The following DENND2C variants were observed in gnomAD, a reference collection of about 807,000 sequenced individuals.
DENND2C encodes the protein DENN domain-containing protein 2C.
Under a neutral mutation model 112.4 loss-of-function variants are expected in DENND2C, and 72 were observed. That is an observed-to-expected ratio of 0.64 (90% CI 0.53 to 0.78). DENND2C has a LOEUF of 0.78. Ranked by LOEUF, DENND2C falls within the 30% of genes least tolerant of loss-of-function variation. The pLI is 0.00. For synonymous variants in DENND2C, 329 were observed against 381.6 expected (o/e 0.86, Z 1.61); for missense variants, 992 against 1,113.8 (o/e 0.89, Z 1.56).
chr1:114,589,199 C>T (rs1655119987), intron 18 of DENND2C, among the ~76,000 whole-genome samples: 1 of 152,162 alleles, frequency 6.6e-6, no homozygotes, highest in African/African-American at 2.4e-5. Flanking sequence ...TCTTTTTCTT[C>T]CATATCCAAA....
intron 1 of DENND2C, among the ~76,000 whole-genome samples, chr1:114,668,725 G>A (rs1003730679): frequency 9.9e-5 from 15 of 151,884 alleles, no homozygotes; most frequent in African/African-American, 3.6e-4. Context: ...CATATCCATA[G>A]TAAAGAACAA....
chr1:114,631,397 A>G (rs1263410414), intron 3 of DENND2C, among the ~76,000 whole-genome samples: 1 of 152,142 alleles, frequency 6.6e-6, no homozygotes, highest in Non-Finnish European at 1.5e-5. Context: ...ATAAAATGAA[A>G]TAAAATAAAA....
intron 18 of DENND2C, among the ~76,000 whole-genome samples, chr1:114,592,121 G>A (rs1655210587): frequency 6.6e-6 from 1 of 152,006 alleles, no homozygotes; most frequent in South Asian, 2.1e-4. Flanking sequence ...CTGACCTCAA[G>A]TGATCTGCCC....
intron 8 of DENND2C, among the ~76,000 whole-genome samples, chr1:114,614,544 G>A (rs1426312689): frequency 6.6e-6 from 1 of 151,936 alleles, no homozygotes; most frequent in Non-Finnish European, 1.5e-5. Flanking sequence ...CTTTACTTTT[G>A]TTTTGGACAG....
intron 13 of DENND2C, 128 bp downstream of exon 13, chr1:114,601,380 C>T (rs913593588): frequency 8.1e-6 from 7 of 863,398 alleles, no homozygotes; most frequent in South Asian, 1.9e-5. Context: ...TAAGTTTAAG[C>T]CTTCAGGCAC....
At chr1:114,634,304 C>T (rs1656586453) in intron 3 of DENND2C, among the ~76,000 whole-genome samples, 1 of 152,088 alleles carries the variant, frequency 6.6e-6, no homozygotes, top group Admixed American at 6.6e-5. Flanking sequence ...ACACTTTACT[C>T]AACAAACATA....
intron 19 of DENND2C, 51 bp downstream of exon 19, chr1:114,587,665 C>A: frequency 6.6e-7 from 1 of 1,506,684 alleles, no homozygotes; most frequent in Non-Finnish European, 9.0e-7. Flanking sequence ...ATAGTAAAAT[C>A]TTTCAAGGTA....
chr1:114,597,714 C>T (rs561488879), intron 16 of DENND2C, among the ~76,000 whole-genome samples: 19 of 152,096 alleles, frequency 1.2e-4, no homozygotes, highest in Non-Finnish European at 2.5e-4. Context: ...ACCTGGGAGG[C>T]AGAAGTTGCA....
intron 2 of DENND2C, among the ~76,000 whole-genome samples, chr1:114,650,659 G>GTGAGACT (rs1386066775): frequency 7.8e-6 from 1 of 127,686 alleles, no homozygotes; most frequent in Admixed American, 9.1e-5. Flanking sequence ...GGGCGACAGA[G>GTGAGACT]CGAGACTCCG....
At chr1:114,595,661 AT>A in intron 17 of DENND2C, 170 bp downstream of exon 17, 1 of 568,898 alleles carries the variant, frequency 1.8e-6, no homozygotes, top group Non-Finnish European at 3.1e-6. Flanking sequence ...CTGAAGCCAA[AT>A]TTTTCAGGTC....
intron 3 of DENND2C, among the ~76,000 whole-genome samples, chr1:114,635,833 C>T (rs530663197): frequency 8.6e-5 from 13 of 151,934 alleles, no homozygotes; most frequent in East Asian, 7.8e-4. Flanking sequence ...ATGGTGAAAC[C>T]GGTCTCTACT....
rs1656328321 is a variant in DENND2C, at chr1:114,625,906, G to A, written c.79C>T (p.Gln27Ter). Reference protein sequence around the residue: ...HCKNIKQKISQWEGRANGISN... With the variant: ...HCKNIKQKIS ...ATACCATTAGCCCTTCCTTCCCATTGAGAAATTTTTTGTTTGATGTTTTTG... is the reference window on the plus strand; with the variant it reads ...ATACCATTAGCCCTTCCTTCCCATTAAGAAATTTTTTGTTTGATGTTTTTG... The change falls in exon 4 of 21, where the codon CAA (glutamine) becomes TAA (stop). Residue 27 changes from glutamine (Q) to a stop codon, truncating the protein, a stop_gained. Coordinates refer to ENST00000393274, the MANE Select transcript of DENND2C (RefSeq NM_001256404.2). LOFTEE classifies it high-confidence loss of function. 6.2e-7 allele frequency: 1 copy of A among 1,613,886 alleles called. No individual in the cohort carries two copies. Among genetic ancestry groups the A allele is most frequent in the Non-Finnish European group, 8.5e-7 (1 of 1,179,988 alleles).
intron 16 of DENND2C, among the ~76,000 whole-genome samples, chr1:114,598,460 C>G (rs1365166423): frequency 6.6e-6 from 1 of 151,422 alleles, no homozygotes; most frequent in African/African-American, 2.4e-5. Flanking sequence ...AGGGGTAAAA[C>G]TATAAAGCAA....
intron 18 of DENND2C, among the ~76,000 whole-genome samples, chr1:114,594,084 T>A (rs1241477721): frequency 6.6e-6 from 1 of 152,098 alleles, no homozygotes; most frequent in Non-Finnish European, 1.5e-5. Context: ...CTGTAGAATA[T>A]GAGATAGTGC....
At chr1:114,663,696 G>A (rs1476039336) in intron 1 of DENND2C, among the ~76,000 whole-genome samples, 1 of 152,050 alleles carries the variant, frequency 6.6e-6, no homozygotes, top group Non-Finnish European at 1.5e-5. Flanking sequence ...ATGGTTGGGT[G>A]GAAAGATCAA....
intron 20 of DENND2C, among the ~76,000 whole-genome samples, 177 bp from the exon 21 acceptor site, chr1:114,585,808 A>G (rs961342576): frequency 1.1e-4 from 16 of 152,176 alleles, no homozygotes; most frequent in Admixed American, 2.6e-4. Flanking sequence ...CCCAAACCCC[A>G]TATGTCTAGT....
intron 10 of DENND2C, 30 bp from the exon 11 acceptor site, chr1:114,605,061 A>C: frequency 6.7e-7 from 1 of 1,495,362 alleles, no homozygotes; most frequent in South Asian, 1.2e-5. Context: ...AGGTGACTTA[A>C]ATTATACTAT....
intron 2 of DENND2C, among the ~76,000 whole-genome samples, chr1:114,650,166 A>G (rs1205976393): frequency 3.3e-5 from 5 of 151,918 alleles, no homozygotes; most frequent in Non-Finnish European, 5.9e-5. Flanking sequence ...TACTAAAAAT[A>G]TAAAAAATTA....
chr1:114,590,004 GC>G (rs1480369994), intron 18 of DENND2C, among the ~76,000 whole-genome samples: 1 of 152,074 alleles, frequency 6.6e-6, no homozygotes, highest in Admixed American at 6.6e-5. Flanking sequence ...AACCCCAATA[GC>G]ATATTAGTAG....
Sources: gnomAD v4.1 joint callset for allele counts (sites outside exome capture counted in the v4.1 genomes callset) on GRCh38, gnomAD v4.1.1 for gene constraint, MANE v1.5 for transcripts, NCBI Gene and HGNC (gene_info 2026-07-23, HGNC 2026-07-21) for gene names.